DCAF4: variants seen among roughly 807,000 people sequenced by gnomAD.
DCAF4 encodes the protein DDB1- and CUL4-associated factor 4.
A neutral mutation model predicts 60.9 loss-of-function variants in DCAF4; 37 were observed. The ratio of observed to expected loss-of-function variants is 0.61; its 90% CI spans 0.47 to 0.80. The LOEUF is 0.80. Among genes scored for constraint, DCAF4 ranks in the 30% least tolerant of loss-of-function variants. The pLI is 0.00. For synonymous variants in DCAF4, 243 were observed against 254.8 expected (o/e 0.95, Z 0.44); for missense variants, 577 against 650.0 (o/e 0.89, Z 1.22).
At chr14:72,940,745 C>G (rs896544708) in intron 4 of DCAF4, among the ~76,000 whole-genome samples, 2 of 151,820 alleles carry the variant, frequency 1.3e-5, no homozygotes, top group African/African-American at 4.8e-5. Flanking sequence ...CACGTGCCAC[C>G]ATGCCCAGCT....
chr14:72,927,839 TTAAA>T, intron 1 of DCAF4, among the ~76,000 whole-genome samples: 1 of 152,364 alleles, frequency 6.6e-6, no homozygotes, highest in South Asian at 2.1e-4. Flanking sequence ...GAAGTATTTC[TTAAA>T]TAAGTGTTAA....
At chr14:72,955,912 T>G in intron 12 of DCAF4, among the ~76,000 whole-genome samples, 1 of 130,920 alleles carries the variant, frequency 7.6e-6, no homozygotes, top group East Asian at 2.3e-4. Flanking sequence ...TCTGGTTATG[T>G]CCTTTTTTTT....
intron 1 of DCAF4, among the ~76,000 whole-genome samples, chr14:72,933,473 C>A (rs1378457164): frequency 6.6e-6 from 1 of 151,648 alleles, no homozygotes; most frequent in Non-Finnish European, 1.5e-5. Flanking sequence ...GCAGAAGAAT[C>A]GCTTGAACCC....
At position 72,943,079 on chromosome 14, in the gene DCAF4, C is replaced by A. The variant is rs1452262960; in HGVS notation, c.517C>A (p.Arg173=). The A allele has an allele frequency of 6.2e-7, 1 of 1,614,022 alleles. No individual in the cohort carries two copies. The highest frequency in any genetic ancestry group is 1.3e-5 in the African/African-American group (1 of 74,942). Residue 173 remains arginine (R), a synonymous_variant, in exon 6 of 14, where the codon CGA becomes AGA. Coordinates refer to ENST00000358377, the MANE Select transcript of DCAF4 (RefSeq NM_015604.4). ...GGATCCCTCCGCCTTGGCAAGCGAC[C>A]GATTTAACCTCATACTGGTGAGTGG... ...SMDPSALASD[R]FNLILADTNS... is the part of the protein sequence containing the mutation.
chr14:72,934,218 A>G (rs535409114), intron 1 of DCAF4, among the ~76,000 whole-genome samples: 100 of 149,096 alleles, frequency 6.7e-4, no homozygotes, highest in African/African-American at 2.1e-3. Context: ...CAATGGCGCT[A>G]TCTCGGCTCA....
rs970028835 is a variant in DCAF4, at chr14:72,941,893, T to C, written c.431+69T>C. 7 of 1,549,484 alleles carry C rather than the reference T, an allele frequency of 4.5e-6. No individual in the cohort carries two copies. In the Admixed American group the frequency reaches 6.7e-5, roughly 15 times the overall value. Reference sequence around the variant, plus strand: ...TTTCCTGTTTCTTATTTTCATGGTATAAGAATCCAGTCTGGATAGACCATG... The same window carrying C: ...TTTCCTGTTTCTTATTTTCATGGTACAAGAATCCAGTCTGGATAGACCATG... On this transcript the variant is annotated intron_variant, in intron 5 of 13. Transcript: ENST00000358377.
Position 72,956,507 on chromosome 14 carries a change from G to C in DCAF4, c.1294+7G>C. On this transcript the variant is annotated splice_region_variant and intron_variant, in intron 13 of 13. Coordinates refer to ENST00000358377, the MANE Select transcript of DCAF4 (RefSeq NM_015604.4). ...GAAGGAATCCTGGTGGCAGGTACTT[G>C]AGGAAGGAAGGGGAAGTTCCACCCC... is the stretch of plus-strand genomic sequence containing the variant. 1.2e-6 allele frequency: 2 copies of C among 1,606,336 alleles called. No homozygotes were observed. Among genetic ancestry groups the C allele is most frequent in the South Asian group, 2.2e-5 (2 of 89,644 alleles).
intron 8 of DCAF4, among the ~76,000 whole-genome samples, chr14:72,951,155 A>G (rs2806038): frequency 0.27 from 40,762 of 151,602 alleles, 5,903 homozygotes; most frequent in Non-Finnish European, 0.31. Context: ...TAGTTTTTGT[A>G]TTTTTTGTAG....
At chr14:72,945,737 G>T (rs1719428165) in intron 6 of DCAF4, 147 bp from the exon 7 acceptor site, 1 of 1,049,580 alleles carries the variant, frequency 9.5e-7, no homozygotes. Flanking sequence ...GGAAAGTGAG[G>T]TCATCTCCAC....
intron 1 of DCAF4, chr14:72,929,950 G>T: frequency 4.4e-6 from 4 of 907,422 alleles, no homozygotes; most frequent in Non-Finnish European, 6.8e-6. Flanking sequence ...TCTCCATGGC[G>T]GCCGTGGCGG....
intron 2 of DCAF4, among the ~76,000 whole-genome samples, chr14:72,938,455 A>G (rs1279103599): frequency 6.6e-6 from 1 of 152,256 alleles, no homozygotes; most frequent in African/African-American, 2.4e-5. Context: ...TTATTAATTC[A>G]GCCTAAGTCT....
Position 72,947,142 on chromosome 14 carries a change from G to A in DCAF4, c.679G>A (p.Val227Met). 1 of 1,614,150 alleles carries A rather than the reference G, an allele frequency of 6.2e-7. No individual in the cohort carries two copies. Among genetic ancestry groups the A allele is most frequent in the African/African-American group, 1.3e-5 (1 of 75,050 alleles). Residue 227 changes from valine to methionine, a missense_variant and splice_region_variant, in exon 8 of 14, where the codon GTG (valine) becomes ATG (methionine). Val to Met is a conservative substitution (Grantham distance 21, BLOSUM62 1). Coordinates refer to ENST00000358377, the MANE Select transcript of DCAF4 (RefSeq NM_015604.4). ...HENLYFTNRK[V>M]NSVCWASLNH... ...ATCTCGCTGTGTGCTTCCTCACCAGGTGAATTCGGTGTGCTGGGCCTCGCT... is the reference window on the plus strand; with the variant it reads ...ATCTCGCTGTGTGCTTCCTCACCAGATGAATTCGGTGTGCTGGGCCTCGCT...
chr14:72,946,207 A>G (rs938718713), intron 7 of DCAF4, among the ~76,000 whole-genome samples, 180 bp downstream of exon 7: 2 of 149,352 alleles, frequency 1.3e-5, no homozygotes, highest in African/African-American at 2.5e-5. Context: ...CATAACATGC[A>G]TGGTGAAACC....
chr14:72,940,588 G>GTT (rs750585266), intron 4 of DCAF4: 13,331 of 272,332 alleles, frequency 0.049, 282 homozygotes, highest in Non-Finnish European at 0.059. Flanking sequence ...TGTTCGATAA[G>GTT]TTGTTTTTTT....
chr14:72,930,792 T>G (rs1220010806), intron 1 of DCAF4, among the ~76,000 whole-genome samples: 2 of 152,210 alleles, frequency 1.3e-5, no homozygotes, highest in Non-Finnish European at 2.9e-5. Context: ...TTGTCCCATA[T>G]GGTATGAAGT....
intron 3 of DCAF4, 82 bp downstream of exon 3, chr14:72,939,984 A>G: frequency 2.2e-6 from 3 of 1,386,072 alleles, no homozygotes; most frequent in South Asian, 1.4e-5. Flanking sequence ...AAGGAATTCC[A>G]GGAGCAAATT....
At chr14:72,929,769 T>G (rs1888278810) in intron 1 of DCAF4, 1 of 1,051,078 alleles carries the variant, frequency 9.5e-7, no homozygotes, top group African/African-American at 1.6e-5. Context: ...GGCGCGCAGC[T>G]CGTACGAAGC....
At position 72,947,204 on chromosome 14, in the gene DCAF4, A is replaced by C. The variant is rs1890847029; in HGVS notation, c.728+13A>C. 5 of 1,613,918 alleles carry C rather than the reference A, an allele frequency of 3.1e-6. No individual in the cohort carries two copies. The highest frequency in any genetic ancestry group is 3.4e-6 in the Non-Finnish European group (4 of 1,179,904). ...ATTCCCACATTCTGTATCCTTTGGCAGAGGAAGAGGTTTGGTGGGCAGGCC... is the reference window on the plus strand; with the variant it reads ...ATTCCCACATTCTGTATCCTTTGGCCGAGGAAGAGGTTTGGTGGGCAGGCC... On this transcript the variant is annotated intron_variant, in intron 8 of 13. Coordinates refer to ENST00000358377, the MANE Select transcript of DCAF4 (RefSeq NM_015604.4).
chr14:72,958,870 T>C lies in DCAF4; in HGVS notation c.*65T>C. On this transcript the variant is annotated 3_prime_UTR_variant, in exon 14 of 14. Coordinates refer to ENST00000358377, the MANE Select transcript of DCAF4 (RefSeq NM_015604.4). Reference sequence around the variant, plus strand: ...ACGGGAGTAAAGCGTAACTTTTTACTGCATCTAATGAGGGTGTTTTAAGTG... The same window carrying C: ...ACGGGAGTAAAGCGTAACTTTTTACCGCATCTAATGAGGGTGTTTTAAGTG... 3 of 1,506,748 alleles carry C rather than the reference T, an allele frequency of 2.0e-6. No homozygotes were observed. The highest frequency in any genetic ancestry group is 2.7e-6 in the Non-Finnish European group (3 of 1,131,310). The allele number at this position is 1,506,748 out of a possible 1,614,324, so 93.3% of individuals were successfully genotyped here.
Sources: gnomAD v4.1 joint callset for allele counts (sites outside exome capture counted in the v4.1 genomes callset) on GRCh38, gnomAD v4.1.1 for gene constraint, MANE v1.5 for transcripts, NCBI Gene and HGNC (gene_info 2026-07-23, HGNC 2026-07-21) for gene names.